Variants in CDH8 observed in about 807,000 individuals in gnomAD.
CDH8 encodes the protein cadherin-8.
Under a neutral mutation model 68.1 loss-of-function variants are expected in CDH8, and 17 were observed. The observed-to-expected ratio is 0.25, with a 90% CI of 0.17 to 0.37. The LOEUF (loss-of-function observed/expected upper bound fraction) is 0.37. Ranked by LOEUF, CDH8 falls within the 10% of genes least tolerant of loss-of-function variation. The pLI, the probability that CDH8 is intolerant of heterozygous loss-of-function variation, is 1.00. For missense variants in CDH8, 763 were observed against 999.3 expected (o/e 0.76, Z 3.19); for synonymous variants, 372 against 365.1 (o/e 1.02, Z -0.21).
chr16:61,777,490 A>G (rs1273305782), intron 8 of CDH8, among the ~76,000 whole-genome samples: 1 of 152,080 alleles, frequency 6.6e-6, no homozygotes, highest in Non-Finnish European at 1.5e-5. Context: ...ATCTACTCTT[A>G]TTTTTGAGCT....
rs573506700 is a variant in CDH8 at position 61,653,767 on chromosome 16, A to G, written c.2241T>C (p.Tyr747=). ...TAPPYDSIQI[Y]GYEGRGSVAG... ...CCACTGACCCTCGGCCTTCATAGCC[A>G]TATATCTGAATGGAGTCATATGGCG... is the stretch of plus-strand genomic sequence containing the variant. Residue 747 remains tyrosine, a synonymous_variant, in exon 12 of 12, where the codon TAT becomes TAC. Coordinates refer to ENST00000577390, the MANE Select transcript of CDH8 (RefSeq NM_001796.5). The G allele has an allele frequency of 1.6e-5, 26 of 1,614,234 alleles. No homozygotes were observed. In the East Asian group the frequency reaches 3.6e-4, roughly 22 times the overall value.
chr16:62,022,988 A>G (rs898535624), intron 1 of CDH8, among the ~76,000 whole-genome samples: 1 of 152,200 alleles, frequency 6.6e-6, no homozygotes, highest in East Asian at 1.9e-4. Flanking sequence ...GAAGACAAAG[A>G]AAACAGCTTT....
chr16:61,735,538 T>C (rs1405039514), intron 8 of CDH8, among the ~76,000 whole-genome samples: 2 of 127,412 alleles, frequency 1.6e-5, no homozygotes, highest in African/African-American at 6.5e-5. Context: ...ATTCAATACA[T>C]AGTTATATAT....
chr16:61,737,876 C>T (rs1303791095), intron 8 of CDH8, among the ~76,000 whole-genome samples: 1 of 152,020 alleles, frequency 6.6e-6, no homozygotes, highest in East Asian at 1.9e-4. Flanking sequence ...GAGGAGTTGA[C>T]CACCAGAATT....
In CDH8 at chr16:61,647,321, T is replaced by C. The variant is rs1963226460; in HGVS notation, c.*6287A>G. ...ATAATTATTATTTATAAATTTTGGC[T>C]CTAACATTGAGCCAAAAACATCCAT... On this transcript the variant is annotated 3_prime_UTR_variant, in exon 12 of 12. Transcript: ENST00000577390. The C allele has an allele frequency of 6.6e-6, 1 of 151,934 alleles. No homozygotes were observed. The highest frequency in any genetic ancestry group is 2.4e-5 in the African/African-American group (1 of 41,360). The allele number at this position is 151,934 out of a possible 1,614,324, so 9.4% of individuals were successfully genotyped here.
chr16:61,933,465 A>T (rs1290637952), intron 2 of CDH8, among the ~76,000 whole-genome samples: 1 of 152,246 alleles, frequency 6.6e-6, no homozygotes, highest in East Asian at 1.9e-4. Flanking sequence ...TTTGAAAATC[A>T]TTCACATTCC....
At chr16:61,933,237 C>T (rs977019241) in intron 2 of CDH8, among the ~76,000 whole-genome samples, 1 of 152,048 alleles carries the variant, frequency 6.6e-6, no homozygotes, top group African/African-American at 2.4e-5. Context: ...CAATATTATT[C>T]GAAGTGTTTC....
chr16:61,986,332 T>G (rs1027419915), intron 2 of CDH8, among the ~76,000 whole-genome samples: 2 of 152,218 alleles, frequency 1.3e-5, no homozygotes, highest in African/African-American at 4.8e-5. Context: ...GTAGGTTGGA[T>G]CTTAAAGTTA....
chr16:61,965,568 T>C (rs1469321223), intron 2 of CDH8, among the ~76,000 whole-genome samples: 1 of 152,190 alleles, frequency 6.6e-6, no homozygotes, highest in Admixed American at 6.5e-5. Flanking sequence ...ATCAGTAAAA[T>C]TTAAAATAAG....
chr16:61,680,601 TA>T (rs774110445), intron 10 of CDH8, among the ~76,000 whole-genome samples: 25 of 151,796 alleles, frequency 1.6e-4, no homozygotes, highest in Non-Finnish European at 3.1e-4. Flanking sequence ...TAAATCTGCA[TA>T]ACATCACTTG....
At chr16:61,832,283 T>A (rs1274916563) in intron 4 of CDH8, among the ~76,000 whole-genome samples, 1 of 151,362 alleles carries the variant, frequency 6.6e-6, no homozygotes, top group Non-Finnish European at 1.5e-5. Flanking sequence ...GACTAATAAT[T>A]TATGATTTAG....
chr16:61,835,605 A>C (rs931445490), intron 4 of CDH8, among the ~76,000 whole-genome samples: 2 of 151,962 alleles, frequency 1.3e-5, no homozygotes, highest in African/African-American at 4.8e-5. Flanking sequence ...AAATACTTCC[A>C]ATTATTCCTA....
At chr16:61,672,298 T>C (rs977630333) in intron 10 of CDH8, among the ~76,000 whole-genome samples, 3 of 152,244 alleles carry the variant, frequency 2.0e-5, no homozygotes, top group Non-Finnish European at 4.4e-5. Flanking sequence ...AAGGCTTATA[T>C]TAGGTGCAAT....
chr16:61,849,075 T>TA (rs1962882658), intron 4 of CDH8, among the ~76,000 whole-genome samples: 1 of 152,118 alleles, frequency 6.6e-6, no homozygotes, highest in Non-Finnish European at 1.5e-5. Flanking sequence ...AGTTTGTTGC[T>TA]ACCTACAATT....
chr16:61,862,687 TG>T (rs1167402457), intron 3 of CDH8, among the ~76,000 whole-genome samples: 1 of 152,104 alleles, frequency 6.6e-6, no homozygotes, highest in Non-Finnish European at 1.5e-5. Flanking sequence ...AAAAAATGGA[TG>T]TTTCGAGGTT....
At chr16:61,866,713 A>G (rs954809421) in intron 3 of CDH8, among the ~76,000 whole-genome samples, 4 of 151,894 alleles carry the variant, frequency 2.6e-5, no homozygotes, top group African/African-American at 9.7e-5. Flanking sequence ...CATCAATAAG[A>G]CTCCATTGCT....
Position 61,862,135 on chromosome 16 carries a change from T to TCACACA in CDH8, c.548-4903_548-4898dup, listed in dbSNP as rs3069990. ...AAAAGAAAACACACACAAACACCAC[T>TCACACA]CACACACACACACACACACACACAC... On this transcript the variant is annotated intron_variant, in intron 3 of 11. Transcript: ENST00000577390. Among the ~76,000 whole-genome samples, 684 of 146,326 alleles carry TCACACA rather than the reference T, an allele frequency of 4.7e-3. 2 individuals carry two copies. Among genetic ancestry groups the TCACACA allele is most frequent in the Non-Finnish European group, 6.1e-3 (402 of 65,786 alleles).
At chr16:61,907,896 A>T (rs1964089642) in intron 2 of CDH8, among the ~76,000 whole-genome samples, 1 of 151,964 alleles carries the variant, frequency 6.6e-6, no homozygotes, top group Admixed American at 6.6e-5. Flanking sequence ...ACAAAAAATT[A>T]GCTGGTCATG....
intron 2 of CDH8, among the ~76,000 whole-genome samples, chr16:61,960,898 A>T (rs1488920613): frequency 1.3e-5 from 2 of 152,194 alleles, no homozygotes; most frequent in Non-Finnish European, 2.9e-5. Flanking sequence ...GAGGATTTGC[A>T]TTCAATAAAG....
Sources: allele counts gnomAD v4.1 joint callset (sites outside exome capture counted in the v4.1 genomes callset), GRCh38; gene constraint gnomAD v4.1.1; transcripts MANE v1.5; gene names NCBI Gene and HGNC (gene_info 2026-07-23, HGNC 2026-07-21).